The following NFXL1 variants were observed in gnomAD, a reference collection of about 807,000 sequenced individuals.
NFXL1 encodes NF-X1-type zinc finger protein NFXL1.
NFXL1 carries 66 observed loss-of-function variants against 123.3 expected under a neutral mutation model. That is an observed-to-expected ratio of 0.54 (90% confidence interval 0.44 to 0.66). The LOEUF (loss-of-function observed/expected upper bound fraction) is 0.66, where lower values mean the gene tolerates loss of function less well. Ranked by LOEUF, NFXL1 falls within the 30% of genes least tolerant of loss-of-function variation. NFXL1 has a pLI of 0.00. For synonymous variants in NFXL1, 346 were observed against 360.8 expected, an observed-to-expected ratio of 0.96 and a Z score of 0.46; for missense variants, 944 against 1,125.6, an observed-to-expected ratio of 0.84 and a Z score of 2.31.
intron 8 of NFXL1, 29 bp downstream of exon 8, chr4:47,898,728 C>G: frequency 1.5e-4 from 173 of 1,144,534 alleles, no homozygotes; most frequent in Non-Finnish European, 2.1e-4. Flanking sequence ...CTCTTTAATA[C>G]CCACCCCTCA....
rs780955034 is a variant in NFXL1 at position 47,898,749 on chromosome 4, A to G, written c.1089+8T>C. ...AATACCCACCCCTCAAAATGCATAT[A>G]AACTTACTTGATCACAGTGCCATAG... is the stretch of plus-strand genomic sequence containing the variant. On this transcript the variant is annotated splice_region_variant and intron_variant, in intron 8 of 22. Transcript: ENST00000507489. 2 of 1,560,358 alleles carry G rather than the reference A, an allele frequency of 1.3e-6. No homozygotes were observed. The highest frequency in any genetic ancestry group is 2.2e-5 in the South Asian group (2 of 89,942).
chr4:47,875,355 TAC>T lies in NFXL1; in HGVS notation c.2080-64_2080-63del. 4.7e-6 allele frequency: 6 copies of T among 1,267,592 alleles called. No homozygotes were observed. In the South Asian group the frequency reaches 9.3e-5, roughly 20 times the overall value. The allele number at this position is 1,267,592 out of a possible 1,614,324, so 78.5% of individuals were successfully genotyped here. A position where few individuals can be genotyped will look rare whatever the true frequency, so the allele number is the denominator to read the frequency against. On this transcript the variant is annotated intron_variant, in intron 17 of 22. Transcript: ENST00000507489. Reference sequence around the variant, plus strand: ...AGGTAAGCCTAACATTTCCATATGTTACAGTTATAAAATTTATATATCCCATT... The same window carrying T: ...AGGTAAGCCTAACATTTCCATATGTTAGTTATAAAATTTATATATCCCATT...
chr4:47,882,109 T>C (rs545566195), intron 15 of NFXL1: 17 of 152,268 alleles, frequency 1.1e-4, no homozygotes, highest in African/African-American at 3.4e-4. Flanking sequence ...AAGTTGGTAA[T>C]AGAGAAAACT....
intron 22 of NFXL1, 127 bp downstream of exon 22, chr4:47,850,968 C>T: frequency 4.6e-6 from 3 of 657,664 alleles, no homozygotes; most frequent in Admixed American, 2.8e-5. Context: ...TTTTGTTTTA[C>T]AAGAACTGTT....
chr4:47,910,250 G>A (rs1737761349), intron 3 of NFXL1, among the ~76,000 whole-genome samples: 1 of 152,154 alleles, frequency 6.6e-6, no homozygotes, highest in African/African-American at 2.4e-5. Flanking sequence ...AGCTGAGGCA[G>A]GAGGATCACT....
At chr4:47,894,335 A>G (rs776265077) in intron 10 of NFXL1, 33 bp from the exon 11 acceptor site, 1 of 1,509,982 alleles carries the variant, frequency 6.6e-7, no homozygotes, top group Non-Finnish European at 8.9e-7. Context: ...ATTAAAATTG[A>G]TTTTTGTTAA....
At chr4:47,879,142 T>A in intron 15 of NFXL1, 25 bp from the exon 16 acceptor site, 1 of 1,100,350 alleles carries the variant, frequency 9.1e-7, no homozygotes. Context: ...TAAAATAAAA[T>A]GAAAACATTA....
chr4:47,868,174 C>T (rs757048428), intron 18 of NFXL1, among the ~76,000 whole-genome samples: 1 of 152,080 alleles, frequency 6.6e-6, no homozygotes, highest in African/African-American at 2.4e-5. Context: ...ACAAAATTAG[C>T]CAGGCGTGGC....
intron 12 of NFXL1, among the ~76,000 whole-genome samples, chr4:47,890,035 ACTG>A (rs1425587182): frequency 1.3e-5 from 2 of 152,014 alleles, no homozygotes; most frequent in African/African-American, 2.4e-5. Context: ...TGGGTTTATT[ACTG>A]CTATTTTTAA....
At chr4:47,869,615 T>A (rs1212226522) in intron 18 of NFXL1, among the ~76,000 whole-genome samples, 2 of 151,862 alleles carry the variant, frequency 1.3e-5, no homozygotes, top group African/African-American at 4.8e-5. Flanking sequence ...CAATAAATAA[T>A]CCATAAGCTT....
intron 11 of NFXL1, among the ~76,000 whole-genome samples, chr4:47,891,100 C>CT (rs1736739261): frequency 6.8e-6 from 1 of 148,092 alleles, no homozygotes; most frequent in Non-Finnish European, 1.5e-5. Context: ...TATTTATTTT[C>CT]TTTTTCTTTT....
Position 47,896,078 on chromosome 4 carries a change from A to C in NFXL1, c.1329+445T>G, listed in dbSNP as rs566441011. On this transcript the variant is annotated intron_variant, in intron 10 of 22. Transcript: ENST00000507489. ...ACACACGCACAACATTTAACCATTA[A>C]AGTCACTGTCTAATAGAGGCATGGT... Among the ~76,000 whole-genome samples, 7 of 152,316 alleles carry C rather than the reference A, an allele frequency of 4.6e-5. No individual in the cohort carries two copies. The South Asian group carries it at 1.5e-3, about 32-fold the overall frequency.
At chr4:47,905,792 G>A (rs1004405527) in intron 3 of NFXL1, among the ~76,000 whole-genome samples, 1 of 151,918 alleles carries the variant, frequency 6.6e-6, no homozygotes, top group African/African-American at 2.4e-5. Flanking sequence ...TTTAGCAGGT[G>A]TATTCTTAAT....
chr4:47,888,292 T>C (rs1736568036), intron 12 of NFXL1, among the ~76,000 whole-genome samples: 2 of 152,126 alleles, frequency 1.3e-5, no homozygotes, highest in African/African-American at 2.4e-5. Flanking sequence ...AACAAAACTA[T>C]AAATCAAATT....
At chr4:47,886,681 C>G (rs755776345) in intron 12 of NFXL1, among the ~76,000 whole-genome samples, 7 of 152,136 alleles carry the variant, frequency 4.6e-5, no homozygotes, top group Non-Finnish European at 1.0e-4. Context: ...TGATTTATAA[C>G]ACTTTTTTCT....
intron 4 of NFXL1, among the ~76,000 whole-genome samples, chr4:47,903,896 A>G (rs1400142761): frequency 6.6e-6 from 1 of 152,228 alleles, no homozygotes; most frequent in Non-Finnish European, 1.5e-5. Context: ...ACATAATTTA[A>G]AAGCTTAAGA....
chr4:47,878,748 A>G lies in NFXL1; in HGVS notation c.1939-83T>C, dbSNP rs1735904010. The G allele has an allele frequency of 8.1e-6, 8 of 983,580 alleles. No homozygotes were observed. In the East Asian group the frequency reaches 2.3e-4, roughly 28 times the overall value. The allele number at this position is 983,580 out of a possible 1,614,324, so 60.9% of individuals were successfully genotyped here. A position where few individuals can be genotyped will look rare whatever the true frequency, so the allele number is the denominator to read the frequency against. ...TATATGTTTCCAAAATTACTCTGCT[A>G]TCATTTGAGAACAAGTTTCAGAAAG... On this transcript the variant is annotated intron_variant, in intron 16 of 22. Coordinates refer to ENST00000507489, the MANE Select transcript of NFXL1 (RefSeq NM_001278624.2).
At chr4:47,878,285 A>C (rs766180483) in intron 17 of NFXL1, among the ~76,000 whole-genome samples, 1 of 151,998 alleles carries the variant, frequency 6.6e-6, no homozygotes, top group Non-Finnish European at 1.5e-5. Context: ...ACACAGGTAC[A>C]GTATGTAAAG....
At chr4:47,875,090 T>C (rs780792287) in intron 18 of NFXL1, 37 bp downstream of exon 18, 7 of 1,397,250 alleles carry the variant, frequency 5.0e-6, no homozygotes, top group South Asian at 3.6e-5. Context: ...ATTCAACTAA[T>C]TGTAATAAAA....
Sources: allele counts gnomAD v4.1 joint callset (sites outside exome capture counted in the v4.1 genomes callset), GRCh38; gene constraint gnomAD v4.1.1; transcripts MANE v1.5; gene names NCBI Gene and HGNC (gene_info 2026-07-23, HGNC 2026-07-21).